The following SLCO5A1 variants were observed in gnomAD, a reference collection of about 807,000 sequenced individuals.
The protein encoded by SLCO5A1 is solute carrier organic anion transporter family member 5A1, also known as organic anion transporter polypeptide-related protein 4.
In SLCO5A1, 39 loss-of-function variants were observed where a neutral mutation model predicts 65.1. That is an observed-to-expected ratio of 0.60 (90% CI 0.46 to 0.78). The LOEUF (loss-of-function observed/expected upper bound fraction) is 0.78, where lower values mean the gene tolerates loss of function less well. Ranked by LOEUF, SLCO5A1 falls within the 30% of genes least tolerant of loss-of-function variation. The pLI, the probability that SLCO5A1 is intolerant of heterozygous loss-of-function variation, is 0.00. For synonymous variants in SLCO5A1, 438 were observed against 415.7 expected (o/e 1.05, Z -0.65); for missense variants, 1,029 against 1,069.4 (o/e 0.96, Z 0.53).
chr8:69,735,607 G>A (rs560702770), intron 5 of SLCO5A1, among the ~76,000 whole-genome samples: 3 of 152,296 alleles, frequency 2.0e-5, no homozygotes, highest in Admixed American at 6.5e-5. Flanking sequence ...TTATAAGTAG[G>A]AGCTGAATGG....
chr8:69,764,654 G>A (rs1817969456), intron 2 of SLCO5A1, among the ~76,000 whole-genome samples: 1 of 152,094 alleles, frequency 6.6e-6, no homozygotes, highest in Non-Finnish European at 1.5e-5. Flanking sequence ...TTATAGTCTA[G>A]ACTGTAACTC....
chr8:69,691,457 T>G (rs143898945), intron 6 of SLCO5A1, among the ~76,000 whole-genome samples: 348 of 152,348 alleles, frequency 2.3e-3, no homozygotes, highest in African/African-American at 8.0e-3. Flanking sequence ...TTATTCATCT[T>G]GCTTGATTAA....
chr8:69,755,398 G>A, intron 4 of SLCO5A1, 26 bp downstream of exon 4: 1 of 1,589,968 alleles, frequency 6.3e-7, no homozygotes, highest in Non-Finnish European at 8.6e-7. Flanking sequence ...TGCCATGCAT[G>A]TATTTATTCA....
intron 4 of SLCO5A1, among the ~76,000 whole-genome samples, chr8:69,745,692 T>G (rs1291851493): frequency 6.6e-6 from 1 of 152,168 alleles, no homozygotes; most frequent in Non-Finnish European, 1.5e-5. Context: ...ATGTTTAAAT[T>G]CCACTAAAAT....
At chr8:69,811,214 A>G (rs1285151984) in intron 2 of SLCO5A1, among the ~76,000 whole-genome samples, 2 of 152,206 alleles carry the variant, frequency 1.3e-5, no homozygotes, top group African/African-American at 4.8e-5. Flanking sequence ...AACTGGATAG[A>G]GAAAGCATAA....
At chr8:69,716,739 T>C (rs1815558104) in intron 5 of SLCO5A1, among the ~76,000 whole-genome samples, 1 of 152,110 alleles carries the variant, frequency 6.6e-6, no homozygotes, top group African/African-American at 2.4e-5. Context: ...AGCAGATATA[T>C]GATTTGCAAA....
chr8:69,754,790 A>G (rs985321815), intron 4 of SLCO5A1, among the ~76,000 whole-genome samples: 20 of 152,200 alleles, frequency 1.3e-4, no homozygotes, highest in African/African-American at 4.8e-4. Context: ...AAAAAAAATA[A>G]ACCATATATC....
At chr8:69,794,448 A>G (rs1242383955) in intron 2 of SLCO5A1, 1 of 444,962 alleles carries the variant, frequency 2.2e-6, no homozygotes, top group Non-Finnish European at 4.4e-6. Context: ...TTTATAAGTG[A>G]TGAAAAGTGG....
chr8:69,758,830 C>A (rs1305386743), intron 3 of SLCO5A1, among the ~76,000 whole-genome samples: 1 of 152,134 alleles, frequency 6.6e-6, no homozygotes, highest in Non-Finnish European at 1.5e-5. Flanking sequence ...ACTTGAAAAG[C>A]CAAGCTACCT....
intron 2 of SLCO5A1, among the ~76,000 whole-genome samples, chr8:69,785,344 T>C (rs1586798427): frequency 1.3e-5 from 2 of 152,366 alleles, no homozygotes; most frequent in Middle Eastern, 6.8e-3. Context: ...AACCAAATTC[T>C]ATACTTAAAT....
intron 2 of SLCO5A1, among the ~76,000 whole-genome samples, chr8:69,824,535 G>T (rs1403001013): frequency 1.3e-5 from 2 of 152,134 alleles, no homozygotes; most frequent in Non-Finnish European, 2.9e-5. Context: ...AGAAGAAATG[G>T]ATAAATTCCT....
chr8:69,797,462 C>T (rs1051240705), intron 2 of SLCO5A1, among the ~76,000 whole-genome samples: 1 of 152,220 alleles, frequency 6.6e-6, no homozygotes, highest in Non-Finnish European at 1.5e-5. Context: ...AGAGAGATAA[C>T]CTTAAACTCT....
At chr8:69,772,888 T>C (rs1467688098) in intron 2 of SLCO5A1, 1 of 982,598 alleles carries the variant, frequency 1.0e-6, no homozygotes, top group Non-Finnish European at 1.2e-6. Context: ...AACTGATGCA[T>C]TTTCTTCCAG....
At chr8:69,780,292 C>T (rs1818737213) in intron 2 of SLCO5A1, among the ~76,000 whole-genome samples, 1 of 152,176 alleles carries the variant, frequency 6.6e-6, no homozygotes, top group Non-Finnish European at 1.5e-5. Context: ...CTAGCAATCC[C>T]ACTACTGGGG....
At chr8:69,738,508 A>C (rs1187046335) in intron 4 of SLCO5A1, among the ~76,000 whole-genome samples, 1 of 152,146 alleles carries the variant, frequency 6.6e-6, no homozygotes, top group Non-Finnish European at 1.5e-5. Context: ...AACTGTTAGA[A>C]TTATTTGCAT....
At chr8:69,698,346 A>T (rs1354985950) in intron 6 of SLCO5A1, among the ~76,000 whole-genome samples, 1 of 152,212 alleles carries the variant, frequency 6.6e-6, no homozygotes, top group African/African-American at 2.4e-5. Flanking sequence ...TGGTAGAATT[A>T]TTCATATTCC....
intron 1 of SLCO5A1, among the ~76,000 whole-genome samples, chr8:69,834,490 G>A (rs1320009779): frequency 1.3e-5 from 2 of 152,086 alleles, no homozygotes; most frequent in South Asian, 4.2e-4. Flanking sequence ...TCACAATCCC[G>A]GGCTTCCCCG....
At chr8:69,749,549 C>G (rs982008104) in intron 4 of SLCO5A1, among the ~76,000 whole-genome samples, 1 of 151,566 alleles carries the variant, frequency 6.6e-6, no homozygotes, top group Non-Finnish European at 1.5e-5. Context: ...GCCTTGGAGG[C>G]GGAGGTTGCA....
chr8:69,737,910 T>C, intron 5 of SLCO5A1, 130 bp downstream of exon 5: 1 of 916,794 alleles, frequency 1.1e-6, no homozygotes. Flanking sequence ...CCTCCTAAAA[T>C]CTGGGGGGAA....
Sources: allele counts gnomAD v4.1 joint callset (sites outside exome capture counted in the v4.1 genomes callset), GRCh38; gene constraint gnomAD v4.1.1; transcripts MANE v1.5; gene names NCBI Gene and HGNC (gene_info 2026-07-23, HGNC 2026-07-21).